The following KIAA0825 variants were observed in gnomAD, a reference collection of about 807,000 sequenced individuals.
KIAA0825 encodes the protein KIAA0825.
Under a neutral mutation model 147.6 loss-of-function variants are expected in KIAA0825, and 119 were observed. The ratio of observed to expected loss-of-function variants is 0.81; its 90% CI spans 0.69 to 0.94. The LOEUF is 0.94. Ranked by LOEUF, KIAA0825 falls within the 40% of genes least tolerant of loss-of-function variation. KIAA0825 has a pLI of 0.00. For missense variants in KIAA0825, 1,381 were observed against 1,472.7 expected (o/e 0.94, Z 1.02); for synonymous variants, 470 against 518.1 (o/e 0.91, Z 1.26).
chr5:94,194,425 G>A (rs1330342078), intron 20 of KIAA0825, among the ~76,000 whole-genome samples: 1 of 152,038 alleles, frequency 6.6e-6, no homozygotes, highest in Non-Finnish European at 1.5e-5. Context: ...TCACCATGAG[G>A]CCAGTGACCC....
At chr5:94,205,300 T>TATATATATA (rs1554242872) in intron 20 of KIAA0825, among the ~76,000 whole-genome samples, 52 of 133,836 alleles carry the variant, frequency 3.9e-4, no homozygotes, top group African/African-American at 7.0e-4. Context: ...TATATATATA[T>TATATATATA]TTTGTTTTGT....
At chr5:94,597,344 T>G (rs1051940600) in intron 1 of KIAA0825, among the ~76,000 whole-genome samples, 1 of 152,056 alleles carries the variant, frequency 6.6e-6, no homozygotes, top group African/African-American at 2.4e-5. Flanking sequence ...CTGAATTAAA[T>G]TAGAAATCAA....
At chr5:94,387,650 G>T (rs1411107684) in intron 18 of KIAA0825, among the ~76,000 whole-genome samples, 2 of 151,222 alleles carry the variant, frequency 1.3e-5, no homozygotes, top group Admixed American at 6.6e-5. Context: ...AGCTGAGATC[G>T]CACCACTGCA....
intron 20 of KIAA0825, among the ~76,000 whole-genome samples, chr5:94,182,250 CTTTTTTTTT>C (rs771486226): frequency 1.0e-3 from 39 of 38,288 alleles, no homozygotes; most frequent in African/African-American, 1.9e-3. Context: ...AATGTCCCTT[CTTTTTTTTT>C]TTTTTTTTTT....
Position 94,473,413 on chromosome 5 carries a change from T to TG in KIAA0825, c.1333dup (p.Gln445ProfsTer6). On this transcript the variant is annotated frameshift_variant, in exon 8 of 21. Transcript: ENST00000682413. LOFTEE classifies it high-confidence loss of function. Reference sequence around the variant, plus strand: ...TGAAGACCTTTCATTCTGTTCCTGTTGGAGAATTTTTGTGGAAAAACCTTC... The same window carrying TG: ...TGAAGACCTTTCATTCTGTTCCTGTTGGGAGAATTTTTGTGGAAAAACCTTC... The TG allele has an allele frequency of 6.4e-7, 1 of 1,552,064 alleles. No individual in the cohort carries two copies. Among genetic ancestry groups the TG allele is most frequent in the Non-Finnish European group, 8.7e-7 (1 of 1,147,074 alleles).
chr5:94,421,615 A>G (rs1012021851), intron 14 of KIAA0825, among the ~76,000 whole-genome samples: 3 of 152,010 alleles, frequency 2.0e-5, no homozygotes, highest in East Asian at 1.9e-4. Flanking sequence ...TTTTCCCCCA[A>G]TGTGTCCCTT....
chr5:94,589,584 C>T (rs533329252), intron 1 of KIAA0825, among the ~76,000 whole-genome samples: 70 of 152,100 alleles, frequency 4.6e-4, no homozygotes, highest in Admixed American at 1.6e-3. Context: ...TACAAAATAA[C>T]GCTCTATTAC....
chr5:94,249,005 A>G (rs1474574209), intron 20 of KIAA0825, among the ~76,000 whole-genome samples: 2 of 152,100 alleles, frequency 1.3e-5, no homozygotes, highest in East Asian at 3.9e-4. Context: ...TGTGGGAAGA[A>G]AGAAAGAATG....
chr5:94,368,341 T>G (rs1034591173), intron 20 of KIAA0825, among the ~76,000 whole-genome samples: 2 of 151,974 alleles, frequency 1.3e-5, no homozygotes, highest in East Asian at 3.9e-4. Flanking sequence ...CCCAATTAAT[T>G]TTTGTATTTT....
intron 20 of KIAA0825, among the ~76,000 whole-genome samples, chr5:94,173,056 T>A (rs1224138368): frequency 6.6e-6 from 1 of 152,180 alleles, no homozygotes; most frequent in Non-Finnish European, 1.5e-5. Flanking sequence ...AATTATTGAA[T>A]AATTTACAGA....
intron 20 of KIAA0825, among the ~76,000 whole-genome samples, chr5:94,208,247 G>A (rs1453204546): frequency 6.6e-6 from 1 of 152,100 alleles, no homozygotes; most frequent in East Asian, 1.9e-4. Context: ...TAAAATAACA[G>A]ACCTCATTTA....
chr5:94,340,001 T>A (rs969792484), intron 20 of KIAA0825, among the ~76,000 whole-genome samples: 1 of 152,108 alleles, frequency 6.6e-6, no homozygotes, highest in Non-Finnish European at 1.5e-5. Context: ...TTTTGAAGAG[T>A]GTCTAGAAGT....
chr5:94,461,515 T>C (rs188410793), intron 12 of KIAA0825, among the ~76,000 whole-genome samples: 1 of 152,062 alleles, frequency 6.6e-6, no homozygotes, highest in Admixed American at 6.6e-5. Flanking sequence ...TTTCTAAAAG[T>C]AGCTCTCAAC....
chr5:94,303,684 C>T (rs144852166), intron 20 of KIAA0825, among the ~76,000 whole-genome samples: 263 of 152,230 alleles, frequency 1.7e-3, no homozygotes, highest in African/African-American at 5.9e-3. Context: ...CTCATTCCCA[C>T]AGTCCTTTCC....
chr5:94,435,183 T>C (rs1756186052), intron 14 of KIAA0825, among the ~76,000 whole-genome samples: 1 of 151,942 alleles, frequency 6.6e-6, no homozygotes, highest in African/African-American at 2.4e-5. Context: ...ACTTGTTACA[T>C]AGGTAAATGT....
chr5:94,435,024 T>G (rs1756157250), intron 14 of KIAA0825, among the ~76,000 whole-genome samples: 1 of 152,156 alleles, frequency 6.6e-6, no homozygotes, highest in South Asian at 2.1e-4. Flanking sequence ...AAAAATGTAA[T>G]AAATACATGT....
chr5:94,370,087 T>C (rs958436018), intron 20 of KIAA0825, among the ~76,000 whole-genome samples: 4 of 151,738 alleles, frequency 2.6e-5, no homozygotes, highest in Admixed American at 6.6e-5. Context: ...CTGGAAACAA[T>C]CCAAATGTCC....
In KIAA0825 at chr5:94,291,645, G is replaced by T. The variant is rs189434006; in HGVS notation, c.3710+92723C>A. 1.2e-4 allele frequency among the ~76,000 whole-genome samples: 18 copies of T among 152,246 alleles called. 1 individual carries two copies. Among genetic ancestry groups the T allele is most frequent in the Admixed American group, 3.9e-4 (6 of 15,290 alleles). On this transcript the variant is annotated intron_variant, in intron 20 of 20. Coordinates refer to ENST00000682413, the MANE Select transcript of KIAA0825 (RefSeq NM_001145678.3). ...TTAAAATAGTTTTTTCAAATTCTGTGAAGAAAGTCAATGGTAGCTTGATGG... is the reference window on the plus strand; with the variant it reads ...TTAAAATAGTTTTTTCAAATTCTGTTAAGAAAGTCAATGGTAGCTTGATGG...
At chr5:94,510,951 G>A (rs1766391701) in intron 5 of KIAA0825, among the ~76,000 whole-genome samples, 1 of 152,168 alleles carries the variant, frequency 6.6e-6, no homozygotes, top group African/African-American at 2.4e-5. Flanking sequence ...GAATGTTTGT[G>A]TCACTCCAAA....
Sources: allele counts gnomAD v4.1 joint callset (sites outside exome capture counted in the v4.1 genomes callset), GRCh38; gene constraint gnomAD v4.1.1; transcripts MANE v1.5; gene names NCBI Gene and HGNC (gene_info 2026-07-23, HGNC 2026-07-21).